MYLK: variants seen among roughly 807,000 people sequenced by gnomAD.
MYLK encodes the protein myosin light chain kinase, also known as myosin light chain kinase, smooth muscle.
Under a neutral mutation model 203.4 loss-of-function variants are expected in MYLK, and 106 were observed. The ratio of observed to expected loss-of-function variants is 0.52; its 90% confidence interval spans 0.45 to 0.61. MYLK has a LOEUF of 0.61. Ranked by LOEUF, MYLK falls within the 20% of genes least tolerant of loss-of-function variation. The pLI is 0.00. For missense variants in MYLK, 2,072 were observed against 2,442.3 expected (o/e 0.85, Z 3.20); for synonymous variants, 867 against 959.5 (o/e 0.90, Z 1.78).
intron 23 of MYLK, among the ~76,000 whole-genome samples, chr3:123,663,848 A>G (rs2059646744): frequency 6.6e-6 from 1 of 152,208 alleles, no homozygotes. Context: ...AGGAACAGCT[A>G]TCACAGAGAG....
At chr3:123,646,732 C>T (rs2059034659) in intron 27 of MYLK, among the ~76,000 whole-genome samples, 1 of 152,184 alleles carries the variant, frequency 6.6e-6, no homozygotes, top group Non-Finnish European at 1.5e-5. Context: ...CAAGAGTAGA[C>T]CAGGGGCATG....
Position 123,744,064 on chromosome 3 carries a change from C to T in MYLK, c.374-4063G>A, listed in dbSNP as rs1162327359. On this transcript the variant is annotated intron_variant, in intron 5 of 33. Coordinates refer to ENST00000360304, the MANE Select transcript of MYLK (RefSeq NM_053025.4). ...TCTCCACTCTATCAGAACAAATATCCGCTTTTTATAACACGTATTAACTGA... is the reference window on the plus strand; with the variant it reads ...TCTCCACTCTATCAGAACAAATATCTGCTTTTTATAACACGTATTAACTGA... Among the ~76,000 whole-genome samples the T allele has an allele frequency of 5.1e-5, 5 of 97,346 alleles. No individual in the cohort carries two copies. The Admixed American group carries it at 6.2e-4, about 12-fold the overall frequency. 63.9% of individuals were successfully genotyped at this position (97,346 alleles called of 152,430 possible).
chr3:123,684,396 C>G lies in MYLK; in HGVS notation c.3566-2086G>C, dbSNP rs995960859. Among the ~76,000 whole-genome samples, 4 of 152,202 alleles carry G rather than the reference C, an allele frequency of 2.6e-5. No individual in the cohort carries two copies. In the South Asian group the frequency reaches 8.3e-4, roughly 31 times the overall value. On this transcript the variant is annotated intron_variant, in intron 19 of 33. Transcript: ENST00000360304. ...ACCTAGCAGAGCCTCCCCTTGATAT[C>G]TGGGGATGAGGGTGCCATAAACCAG...
intron 2 of MYLK, among the ~76,000 whole-genome samples, chr3:123,852,164 T>C (rs1235128233): frequency 6.6e-6 from 1 of 152,190 alleles, no homozygotes; most frequent in Non-Finnish European, 1.5e-5. Context: ...TTATTGAGGA[T>C]TTTTACATCA....
intron 3 of MYLK, among the ~76,000 whole-genome samples, chr3:123,808,476 A>T (rs902770621): frequency 6.6e-6 from 1 of 152,224 alleles, no homozygotes; most frequent in African/African-American, 2.4e-5. Context: ...CAACCAAAAA[A>T]TTCAGATCAT....
At chr3:123,822,514 G>A (rs1227554242) in intron 3 of MYLK, among the ~76,000 whole-genome samples, 1 of 152,186 alleles carries the variant, frequency 6.6e-6, no homozygotes, top group African/African-American at 2.4e-5. Context: ...ATCTGCAGCA[G>A]GGGGTCATGT....
At chr3:123,799,786 A>G (rs2109146837) in intron 3 of MYLK, 1 of 152,526 alleles carries the variant, frequency 6.6e-6, no homozygotes, top group Admixed American at 6.5e-5. Flanking sequence ...GCTATGACCT[A>G]CCGGAGCAAA....
rs1348633358 is a variant in MYLK at position 123,831,677 on chromosome 3, G to A, written c.-126-7C>T. On this transcript the variant is annotated splice_region_variant and splice_polypyrimidine_tract_variant and intron_variant, in intron 2 of 33. Coordinates refer to ENST00000360304, the MANE Select transcript of MYLK (RefSeq NM_053025.4). Reference sequence around the variant, plus strand: ...AGAGGCAGCCGGGAGCCACCTGGGTGGGTGGGAAGGAGGAAAGGAAAGCCA... The same window carrying A: ...AGAGGCAGCCGGGAGCCACCTGGGTAGGTGGGAAGGAGGAAAGGAAAGCCA... The A allele has an allele frequency of 4.1e-6, 1 of 242,330 alleles. No individual in the cohort carries two copies. Among genetic ancestry groups the A allele is most frequent in the Admixed American group, 4.7e-5 (1 of 21,128 alleles). The allele number at this position is 242,330 out of a possible 1,614,324, so 15.0% of individuals were successfully genotyped here. A position where few individuals can be genotyped will look rare whatever the true frequency, so the allele number is the denominator to read the frequency against.
At chr3:123,792,927 C>A (rs1468089170) in intron 4 of MYLK, among the ~76,000 whole-genome samples, 1 of 152,212 alleles carries the variant, frequency 6.6e-6, no homozygotes, top group Non-Finnish European at 1.5e-5. Context: ...TTCAAGGCAG[C>A]AACCCCTGCA....
intron 2 of MYLK, among the ~76,000 whole-genome samples, chr3:123,852,589 T>C (rs1436069733): frequency 6.6e-6 from 1 of 152,152 alleles, no homozygotes; most frequent in Admixed American, 6.5e-5. Flanking sequence ...CCTTTATCAT[T>C]TTTTATTGTG....
At chr3:123,863,509 C>T (rs1009081279) in intron 2 of MYLK, among the ~76,000 whole-genome samples, 1 of 151,674 alleles carries the variant, frequency 6.6e-6, no homozygotes, top group African/African-American at 2.4e-5. Flanking sequence ...TACAACTCAA[C>T]AATAAAAAGA....
chr3:123,614,319 T>C lies in MYLK; in HGVS notation c.5531A>G (p.Lys1844Arg). The C allele has an allele frequency of 6.2e-7, 1 of 1,614,174 alleles. No individual in the cohort carries two copies. The highest frequency in any genetic ancestry group is 2.2e-5 in the East Asian group (1 of 44,880). ...GYPDPEVVWF[K>R]DDQSIRESRH... is the part of the protein sequence containing the mutation. ...GGACTCCCTGATTGACTGGTCATCT[T>C]TGAACCAGACAACCTCGGGGTCTGG... Residue 1844 changes from lysine (K) to arginine (R), a missense_variant, in exon 34 of 34, where the codon AAA becomes AGA. This residue lies in a region of MYLK where 524 missense variants were observed against 782.4 expected (regional missense o/e 0.67). Transcript: ENST00000360304.
chr3:123,668,823 T>C lies in MYLK; in HGVS notation c.3653-1636A>G, dbSNP rs186437044. Among the ~76,000 whole-genome samples, 3 of 152,278 alleles carry C rather than the reference T, an allele frequency of 2.0e-5. No individual in the cohort carries two copies. The East Asian group carries it at 5.8e-4, about 29-fold the overall frequency. ...TTATCACCATGTGAAAAACTATATC[T>C]TCACTTATTTATTTACTGTCTGCCC... On this transcript the variant is annotated intron_variant, in intron 20 of 33. Transcript: ENST00000360304.
intron 31 of MYLK, chr3:123,623,300 A>G (rs1295321420): frequency 6.6e-6 from 1 of 152,156 alleles, no homozygotes; most frequent in Non-Finnish European, 1.5e-5. Context: ...GTTCCCAGAA[A>G]ATAAAGATGG....
At chr3:123,840,432 T>C (rs1405982664) in intron 2 of MYLK, among the ~76,000 whole-genome samples, 2 of 151,044 alleles carry the variant, frequency 1.3e-5, no homozygotes, top group Non-Finnish European at 3.0e-5. Flanking sequence ...TCTCTATATA[T>C]ATATAAACAA....
Position 123,614,273 on chromosome 3 carries a change from G to A in MYLK, c.5577C>T (p.Tyr1859=), listed in dbSNP as rs1177166653. 10 of 1,613,962 alleles carry A rather than the reference G, an allele frequency of 6.2e-6. No homozygotes were observed. In the East Asian group the frequency reaches 6.7e-5, roughly 11 times the overall value. Residue 1859 remains tyrosine, a synonymous_variant, in exon 34 of 34, where the codon TAC becomes TAT. Transcript: ENST00000360304. ...IRESRHFQID[Y]DEDGNCSLII... ...TTAAAGAGCAGTTCCCGTCCTCATC[G>A]TAGTCTATCTGGAAGTGGCGGGACT...
At chr3:123,764,986 C>T (rs1198754730) in intron 4 of MYLK, among the ~76,000 whole-genome samples, 1 of 152,044 alleles carries the variant, frequency 6.6e-6, no homozygotes, top group African/African-American at 2.4e-5. Flanking sequence ...TCTTTCTGTC[C>T]TCATAGGTTT....
chr3:123,656,015 C>T (rs1414129817), intron 24 of MYLK, among the ~76,000 whole-genome samples: 1 of 152,152 alleles, frequency 6.6e-6, no homozygotes, highest in Non-Finnish European at 1.5e-5. Context: ...TGCAAAAAGT[C>T]ATCAAGTATG....
intron 3 of MYLK, among the ~76,000 whole-genome samples, chr3:123,795,907 T>A (rs1036601844): frequency 2.0e-5 from 3 of 152,202 alleles, no homozygotes; most frequent in Non-Finnish European, 2.9e-5. Flanking sequence ...ATGTAATTAG[T>A]TTGTTTAAAT....
Sources: allele counts gnomAD v4.1 joint callset (sites outside exome capture counted in the v4.1 genomes callset), GRCh38; gene constraint gnomAD v4.1.1; regional missense constraint gnomAD v4.1.1; transcripts MANE v1.5; gene names NCBI Gene and HGNC (gene_info 2026-07-23, HGNC 2026-07-21).